USH2A: variants seen among roughly 807,000 people sequenced by gnomAD.
The protein encoded by USH2A is usherin.
USH2A carries 443 observed loss-of-function variants against 538.9 expected under a neutral mutation model. The ratio of observed to expected loss-of-function variants is 0.82; its 90% CI spans 0.76 to 0.89. The LOEUF (loss-of-function observed/expected upper bound fraction) is 0.89, where lower values mean the gene tolerates loss of function less well. Ranked by LOEUF, USH2A falls within the 40% of genes least tolerant of loss-of-function variation. USH2A has a pLI of 0.00. For synonymous variants in USH2A, 2,413 were observed against 2,273.5 expected (o/e 1.06, Z -1.75); for missense variants, 6,633 against 6,324.8 (o/e 1.05, Z -1.65).
intron 43 of USH2A, among the ~76,000 whole-genome samples, chr1:215,871,920 T>C (rs1205934103): frequency 1.3e-5 from 2 of 152,206 alleles, no homozygotes; most frequent in African/African-American, 4.8e-5. Flanking sequence ...GGGACTGATA[T>C]ATTGTGGGAA....
At chr1:216,368,316 T>C (rs1225656860) in intron 3 of USH2A, among the ~76,000 whole-genome samples, 3 of 152,032 alleles carry the variant, frequency 2.0e-5, no homozygotes, top group African/African-American at 7.2e-5. Context: ...TCTCAGTACC[T>C]AGCAAGGGGA....
intron 43 of USH2A, among the ~76,000 whole-genome samples, chr1:215,872,685 A>G (rs774187161): frequency 1.3e-5 from 2 of 152,026 alleles, no homozygotes; most frequent in Non-Finnish European, 2.9e-5. Flanking sequence ...TCCAAATCTT[A>G]TGTTGAAATG....
chr1:215,638,535 G>A (rs1399474416), intron 69 of USH2A, among the ~76,000 whole-genome samples: 2 of 149,404 alleles, frequency 1.3e-5, no homozygotes, highest in Admixed American at 6.8e-5. Flanking sequence ...CAGGAGAATC[G>A]CTTGAACCTG....
At chr1:215,951,033 T>C (rs1044106869) in intron 37 of USH2A, among the ~76,000 whole-genome samples, 4 of 152,126 alleles carry the variant, frequency 2.6e-5, no homozygotes, top group Admixed American at 1.3e-4. Flanking sequence ...TTTTGAAGGG[T>C]TTTTTGTGTC....
chr1:215,947,108 C>T (rs1462365062), intron 37 of USH2A, among the ~76,000 whole-genome samples: 4 of 149,764 alleles, frequency 2.7e-5, no homozygotes, highest in African/African-American at 9.9e-5. Context: ...GTGGTGTGAT[C>T]TTGGCTCACT....
At chr1:216,045,905 T>C (rs1371778735) in intron 32 of USH2A, among the ~76,000 whole-genome samples, 1 of 152,136 alleles carries the variant, frequency 6.6e-6, no homozygotes, top group Non-Finnish European at 1.5e-5. Context: ...GAATCTAATA[T>C]GACCTTCAAG....
intron 51 of USH2A, among the ~76,000 whole-genome samples, chr1:215,789,441 C>T (rs1661910755): frequency 6.6e-6 from 1 of 152,078 alleles, no homozygotes. Flanking sequence ...GTCCATGGTC[C>T]TTTCCTTAAA....
In USH2A at chr1:216,078,181, C is replaced by G. The variant is rs2031817738; in HGVS notation, c.5480G>C (p.Gly1827Ala). The change falls in exon 27 of 72, where the codon GGA becomes GCA. Residue 1827 changes from glycine (G) to alanine (A), a missense_variant. Gly to Ala is a moderately conservative substitution (Grantham distance 60). Coordinates refer to ENST00000307340, the MANE Select transcript of USH2A (RefSeq NM_206933.4). ...TGAATTCACCACCAGTGGCTGGTCT[C>G]CGGACTCCGATGCATGCTTCATCAG... Reference protein sequence around the residue: ...NGLMKHASESGDQPLVVNSPV... With the variant: ...NGLMKHASESADQPLVVNSPV... 1 of 1,613,646 alleles carries G rather than the reference C, an allele frequency of 6.2e-7. No homozygotes were observed. The highest frequency in any genetic ancestry group is 8.5e-7 in the Non-Finnish European group (1 of 1,179,802).
chr1:215,800,097 T>C (rs1294913922), intron 49 of USH2A, among the ~76,000 whole-genome samples: 1 of 152,144 alleles, frequency 6.6e-6, no homozygotes, highest in Admixed American at 6.6e-5. Context: ...TGTTTGTTTG[T>C]TTGGTATAAA....
At chr1:215,957,478 T>C (rs1261096126) in intron 37 of USH2A, among the ~76,000 whole-genome samples, 1 of 152,244 alleles carries the variant, frequency 6.6e-6, no homozygotes, top group Non-Finnish European at 1.5e-5. Flanking sequence ...TGAAACACTA[T>C]CACTTGCTGC....
chr1:216,041,951 T>G (rs1273629837), intron 32 of USH2A, among the ~76,000 whole-genome samples: 1 of 152,044 alleles, frequency 6.6e-6, no homozygotes, highest in Non-Finnish European at 1.5e-5. Flanking sequence ...CAAATGTTCA[T>G]TACCTTTGAT....
chr1:216,089,001 A>G lies in USH2A; in HGVS notation c.4885+12T>C. 1 of 1,613,150 alleles carries G rather than the reference A, an allele frequency of 6.2e-7. No individual in the cohort carries two copies. The highest frequency in any genetic ancestry group is 8.5e-7 in the Non-Finnish European group (1 of 1,179,382). Reference sequence around the variant, plus strand: ...TCAACAGGGCTATTTATACATATCAAAAAGTACTTACCTGTATATATCCCA... The same window carrying G: ...TCAACAGGGCTATTTATACATATCAGAAAGTACTTACCTGTATATATCCCA... On this transcript the variant is annotated intron_variant, in intron 23 of 71. Transcript: ENST00000307340.
At chr1:216,383,340 A>G (rs2102736339) in intron 3 of USH2A, among the ~76,000 whole-genome samples, 1 of 152,316 alleles carries the variant, frequency 6.6e-6, no homozygotes, top group Admixed American at 6.5e-5. Context: ...AAATACTCTC[A>G]CCAAATAGAA....
chr1:215,941,627 T>C (rs1666636023), intron 37 of USH2A, among the ~76,000 whole-genome samples: 3 of 152,274 alleles, frequency 2.0e-5, no homozygotes, highest in Non-Finnish European at 4.4e-5. Flanking sequence ...CCTTTTAAAG[T>C]TCTGGTAGAG....
intron 32 of USH2A, among the ~76,000 whole-genome samples, chr1:216,043,002 T>A (rs765234836): frequency 1.8e-4 from 28 of 152,096 alleles, no homozygotes; most frequent in Admixed American, 1.1e-3. Context: ...ACTTTCAGCC[T>A]CCAGACTGTG....
chr1:216,255,549 G>C (rs1226994061), intron 11 of USH2A, among the ~76,000 whole-genome samples: 1 of 151,974 alleles, frequency 6.6e-6, no homozygotes, highest in Non-Finnish European at 1.5e-5. Flanking sequence ...AGGTTATTTT[G>C]TTATTGATTT....
intron 32 of USH2A, among the ~76,000 whole-genome samples, chr1:216,004,494 T>C (rs1668346344): frequency 6.6e-6 from 1 of 152,124 alleles, no homozygotes; most frequent in Admixed American, 6.6e-5. Flanking sequence ...TATAACAATA[T>C]GGCAGTCATC....
intron 21 of USH2A, among the ~76,000 whole-genome samples, chr1:216,115,651 C>T (rs529786700): frequency 1.2e-3 from 180 of 151,972 alleles, no homozygotes; most frequent in African/African-American, 4.1e-3. Flanking sequence ...TCCCTTTATA[C>T]GTACTGTATT....
At chr1:215,794,366 C>T (rs1302346687) in intron 50 of USH2A, among the ~76,000 whole-genome samples, 2 of 152,224 alleles carry the variant, frequency 1.3e-5, no homozygotes, top group Admixed American at 1.3e-4. Flanking sequence ...CCAGCCCGGT[C>T]TCGTGGCAGG....
Sources: allele counts gnomAD v4.1 joint callset (sites outside exome capture counted in the v4.1 genomes callset), GRCh38; gene constraint gnomAD v4.1.1; transcripts MANE v1.5; gene names NCBI Gene and HGNC (gene_info 2026-07-23, HGNC 2026-07-21).